Variants in ABHD3 observed in about 807,000 individuals in gnomAD.
ABHD3 encodes abhydrolase domain containing 3, phospholipase.
In ABHD3, 46 loss-of-function variants were observed where a neutral mutation model predicts 48.8. The observed-to-expected ratio is 0.94, with a 90% CI of 0.74 to 1.20. The LOEUF (loss-of-function observed/expected upper bound fraction) is 1.20. Ranked by LOEUF, ABHD3 falls within the 50% of genes most tolerant of loss-of-function variation. ABHD3 has a pLI of 0.00. For synonymous variants in ABHD3, 192 were observed against 183.7 expected, an observed-to-expected ratio of 1.04 and a Z score of -0.36; for missense variants, 490 against 497.8, an observed-to-expected ratio of 0.98 and a Z score of 0.15.
At chr18:21,695,093 A>T (rs9966827) in intron 3 of ABHD3, among the ~76,000 whole-genome samples, 1 of 151,788 alleles carries the variant, frequency 6.6e-6, no homozygotes, top group Non-Finnish European at 1.5e-5. Context: ...AGTGCAATGG[A>T]GCAATCTCAA....
chr18:21,670,576 T>A (rs1229100870), intron 4 of ABHD3, among the ~76,000 whole-genome samples: 1 of 152,236 alleles, frequency 6.6e-6, no homozygotes, highest in East Asian at 1.9e-4. Flanking sequence ...CTGTATTTTA[T>A]TATTTCTCCA....
In ABHD3 at chr18:21,696,175, G is replaced by C. The variant is rs569426769; in HGVS notation, c.509+6141C>G. ...TTTTTTTTTTTTGAGATGGAGTCTT[G>C]CTCTGTTGCCCAGACTGGAGTGCAG... On this transcript the variant is annotated intron_variant, in intron 3 of 8. Transcript: ENST00000289119. 1.5e-5 allele frequency among the ~76,000 whole-genome samples: 2 copies of C among 134,894 alleles called. 1 individual carries two copies. Among genetic ancestry groups the C allele is most frequent in the African/African-American group, 5.6e-5 (2 of 35,584 alleles). 88.5% of individuals were successfully genotyped at this position (134,894 alleles called of 152,430 possible). A position where few individuals can be genotyped will look rare whatever the true frequency, so the allele number is the denominator to read the frequency against.
chr18:21,664,821 AG>A (rs1377395953), intron 4 of ABHD3, among the ~76,000 whole-genome samples: 1 of 152,114 alleles, frequency 6.6e-6, no homozygotes, highest in South Asian at 2.1e-4. Flanking sequence ...TTGTAGAGAC[AG>A]GGGGGTCTTG....
chr18:21,698,609 C>T (rs1395438724), intron 3 of ABHD3, among the ~76,000 whole-genome samples: 1 of 152,072 alleles, frequency 6.6e-6, no homozygotes, highest in African/African-American at 2.4e-5. Flanking sequence ...AGTGCAGTAC[C>T]TCACTGCAAC....
At chr18:21,671,755 T>G (rs2039762420) in intron 4 of ABHD3, among the ~76,000 whole-genome samples, 1 of 152,208 alleles carries the variant, frequency 6.6e-6, no homozygotes. Context: ...GTTTAAATTA[T>G]CCAACTGTGA....
In ABHD3 at chr18:21,703,607, C is replaced by G; in HGVS notation, c.303G>C (p.Ser101=). ...GQTLLRPFIT[S]KPPVQYRNEL... is the part of the protein sequence containing the mutation. ...ACTTCCTGTACTGCACCGGGGGCTT[C>G]GAAGTGATGAAAGGTCTAAGCAGGG... The change falls in exon 2 of 9, where the codon TCG becomes TCC. Residue 101 remains serine (S), a synonymous_variant. Coordinates refer to ENST00000289119, the MANE Select transcript of ABHD3 (RefSeq NM_138340.5). 6.2e-7 allele frequency: 1 copy of G among 1,613,460 alleles called. No homozygotes were observed. The highest frequency in any genetic ancestry group is 8.5e-7 in the Non-Finnish European group (1 of 1,179,472).
intron 3 of ABHD3, among the ~76,000 whole-genome samples, chr18:21,701,111 A>G (rs2040503516): frequency 6.6e-6 from 1 of 152,134 alleles, no homozygotes; most frequent in Non-Finnish European, 1.5e-5. Context: ...CATGGACAAA[A>G]TAGGCTATTA....
intron 3 of ABHD3, among the ~76,000 whole-genome samples, chr18:21,692,052 C>T (rs573593248): frequency 2.6e-5 from 4 of 152,246 alleles, no homozygotes; most frequent in East Asian, 3.9e-4. Flanking sequence ...CAGGTTCAAA[C>T]GGTTCTTTTG....
chr18:21,703,391 C>T (rs569533499), intron 2 of ABHD3, among the ~76,000 whole-genome samples, 193 bp downstream of exon 2: 60 of 152,092 alleles, frequency 3.9e-4, no homozygotes, highest in Non-Finnish European at 1.5e-4. Flanking sequence ...GACCAGGAGG[C>T]AAATACCTGC....
intron 3 of ABHD3, among the ~76,000 whole-genome samples, chr18:21,689,574 A>AAAAAG (rs1555681996): frequency 2.0e-5 from 3 of 148,712 alleles, no homozygotes; most frequent in Admixed American, 6.7e-5. Context: ...AAAAAAAAAA[A>AAAAAG]GGGAAATGCT....
At chr18:21,671,004 A>G (rs1457382770) in intron 4 of ABHD3, among the ~76,000 whole-genome samples, 1 of 152,046 alleles carries the variant, frequency 6.6e-6, no homozygotes, top group Admixed American at 6.6e-5. Flanking sequence ...ACAGAGTTAG[A>G]CCCTGTCTCA....
chr18:21,699,973 C>T (rs1348436658), intron 3 of ABHD3, among the ~76,000 whole-genome samples: 2 of 151,970 alleles, frequency 1.3e-5, no homozygotes, highest in South Asian at 4.2e-4. Context: ...CCACTGCACC[C>T]GGCTAAAATC....
chr18:21,695,041 T>C (rs73437902), intron 3 of ABHD3, among the ~76,000 whole-genome samples: 13,524 of 151,450 alleles, frequency 0.089, 1,988 homozygotes, highest in African/African-American at 0.31. Flanking sequence ...ATGATTTTCT[T>C]TTTTTTTTGA....
intron 3 of ABHD3, among the ~76,000 whole-genome samples, chr18:21,700,652 G>A (rs1473587379): frequency 2.0e-5 from 3 of 151,530 alleles, no homozygotes; most frequent in Admixed American, 6.6e-5. Flanking sequence ...CACCTGCCTC[G>A]GCCTCCCAAA....
chr18:21,689,257 C>A (rs183766730), intron 3 of ABHD3, among the ~76,000 whole-genome samples: 1 of 151,884 alleles, frequency 6.6e-6, no homozygotes, highest in Non-Finnish European at 1.5e-5. Flanking sequence ...GATAGAAATG[C>A]GCAGTCTCTT....
At chr18:21,656,104 C>T (rs1455881417) in intron 8 of ABHD3, among the ~76,000 whole-genome samples, 5 of 152,020 alleles carry the variant, frequency 3.3e-5, no homozygotes, top group African/African-American at 7.2e-5. Flanking sequence ...TGCAGTGAGC[C>T]GAGATCGTGC....
At chr18:21,655,178 T>C (rs757886738) in intron 8 of ABHD3, 7 of 152,184 alleles carry the variant, frequency 4.6e-5, no homozygotes, top group Non-Finnish European at 1.0e-4. Flanking sequence ...CTGGGGATTT[T>C]CTGAAAATTT....
At chr18:21,700,952 C>CAA (rs34993965) in intron 3 of ABHD3, among the ~76,000 whole-genome samples, 17,245 of 81,614 alleles carry the variant, frequency 0.21, 2,292 homozygotes, top group African/African-American at 0.27. Context: ...GATTTGGCCT[C>CAA]AAAAAAAAAA....
At chr18:21,664,065 G>C in intron 5 of ABHD3, 53 bp downstream of exon 5, 3 of 1,558,432 alleles carry the variant, frequency 1.9e-6, no homozygotes, top group Non-Finnish European at 2.6e-6. Flanking sequence ...CAAAGAGACA[G>C]CCAATAAAAT....
Sources: allele counts gnomAD v4.1 joint callset (sites outside exome capture counted in the v4.1 genomes callset), GRCh38; gene constraint gnomAD v4.1.1; transcripts MANE v1.5; gene names NCBI Gene and HGNC (gene_info 2026-07-23, HGNC 2026-07-21).